The following AFG2A variants were observed in gnomAD, a reference collection of about 807,000 sequenced individuals.
AFG2A encodes the protein ATPase family gene 2 protein homolog A.
the AFG2A span, among the ~76,000 whole-genome samples, chr4:123,077,665 T>C: frequency 6.6e-6 from 1 of 152,218 alleles, no homozygotes; most frequent in African/African-American, 2.4e-5. Flanking sequence ...AATCCCACTC[T>C]TGGTTAACTC....
the AFG2A span, among the ~76,000 whole-genome samples, chr4:123,004,976 A>T: frequency 3.3e-5 from 5 of 152,068 alleles, no homozygotes; most frequent in Non-Finnish European, 7.4e-5. Context: ...TGTTTCACCT[A>T]AGTTGTTGAA....
chr4:122,992,982 G>GTGTGTGTGTGTGGTGTGTGTGTA, the AFG2A span, among the ~76,000 whole-genome samples: 604 of 151,576 alleles, frequency 4.0e-3, 8 homozygotes, highest in African/African-American at 0.014. Flanking sequence ...GTGTATGTGT[G>GTGTGTGTGTGTGGTGTGTGTGTA]TGTGTGTGTG....
the AFG2A span, among the ~76,000 whole-genome samples, chr4:123,110,114 A>C: frequency 2.0e-5 from 3 of 152,154 alleles, no homozygotes; most frequent in African/African-American, 7.2e-5. Context: ...ATATTTACTG[A>C]ATAGCAAAAC....
chr4:122,938,026 C>A, the AFG2A span: 1 of 1,167,054 alleles, frequency 8.6e-7, no homozygotes, highest in Admixed American at 3.1e-5. Context: ...TAAGTGAATT[C>A]TAAATTTGAT....
chr4:123,145,692 A>T, the AFG2A span, among the ~76,000 whole-genome samples: 9 of 152,238 alleles, frequency 5.9e-5, no homozygotes, highest in Non-Finnish European at 1.3e-4. Context: ...TTGAGAATTC[A>T]CTACATAAAA....
At chr4:122,949,917 A>C in the AFG2A span, among the ~76,000 whole-genome samples, 1 of 152,176 alleles carries the variant, frequency 6.6e-6, no homozygotes, top group Non-Finnish European at 1.5e-5. Context: ...GGAGCAGAAA[A>C]ACTGAACCAT....
the AFG2A span, among the ~76,000 whole-genome samples, chr4:123,066,120 A>G: frequency 6.6e-6 from 1 of 152,176 alleles, no homozygotes; most frequent in Non-Finnish European, 1.5e-5. Context: ...AAAAAAATAA[A>G]AAAGTTCTAA....
chr4:122,936,704 G>T, the AFG2A span, among the ~76,000 whole-genome samples: 2 of 152,188 alleles, frequency 1.3e-5, no homozygotes, highest in Non-Finnish European at 2.9e-5. Flanking sequence ...AATTGGCTGG[G>T]TGCGGTGGCT....
the AFG2A span, among the ~76,000 whole-genome samples, chr4:123,122,138 T>C: frequency 3.9e-5 from 6 of 152,202 alleles, no homozygotes; most frequent in Admixed American, 1.3e-4. Context: ...TTACCTGTTT[T>C]GCTATCTAGG....
chr4:123,233,719 ATG>A, the AFG2A span, among the ~76,000 whole-genome samples: 72 of 148,426 alleles, frequency 4.9e-4, no homozygotes, highest in East Asian at 1.6e-3. Flanking sequence ...ACATGGGTGT[ATG>A]TGTGTGTGTG....
the AFG2A span, among the ~76,000 whole-genome samples, chr4:123,065,571 T>C: frequency 2.7e-4 from 41 of 152,282 alleles, no homozygotes; most frequent in East Asian, 3.1e-3. Context: ...TAATTGAGAT[T>C]GAAATGAATC....
the AFG2A span, among the ~76,000 whole-genome samples, chr4:123,249,229 G>C: frequency 6.6e-6 from 1 of 152,270 alleles, no homozygotes; most frequent in African/African-American, 2.4e-5. Flanking sequence ...TAGACAAAGA[G>C]ATAAAATGTC....
At chr4:123,095,042 AATAT>A in the AFG2A span, among the ~76,000 whole-genome samples, 45 of 114,074 alleles carry the variant, frequency 3.9e-4, no homozygotes, top group Middle Eastern at 5.7e-3. Flanking sequence ...AAAAAAAAAA[AATAT>A]ATATATATAT....
At chr4:123,298,421 T>G in the AFG2A span, among the ~76,000 whole-genome samples, 1 of 152,208 alleles carries the variant, frequency 6.6e-6, no homozygotes, top group African/African-American at 2.4e-5. Flanking sequence ...CACACTGCTT[T>G]CTTTAAGTTC....
chr4:123,308,973 A>G, the AFG2A span, among the ~76,000 whole-genome samples: 16 of 152,058 alleles, frequency 1.1e-4, no homozygotes, highest in East Asian at 1.9e-4. Context: ...GAATATGTCT[A>G]TATGTCTATT....
At chr4:123,121,394 GC>G in the AFG2A span, among the ~76,000 whole-genome samples, 1 of 152,148 alleles carries the variant, frequency 6.6e-6, no homozygotes, top group South Asian at 2.1e-4. Flanking sequence ...AATGTCCTGG[GC>G]CTTCACATTC....
the AFG2A span, among the ~76,000 whole-genome samples, chr4:123,248,705 C>G: frequency 3.3e-5 from 5 of 152,108 alleles, no homozygotes; most frequent in Non-Finnish European, 7.4e-5. Context: ...TGCTGAATAT[C>G]AATTCTTTTT....
the AFG2A span, among the ~76,000 whole-genome samples, chr4:123,234,547 A>G: frequency 6.6e-6 from 1 of 152,092 alleles, no homozygotes; most frequent in Admixed American, 6.6e-5. Flanking sequence ...TATTACCTCC[A>G]TGGGCCTCAG....
chr4:122,990,654 G>T, the AFG2A span, among the ~76,000 whole-genome samples: 1 of 152,246 alleles, frequency 6.6e-6, no homozygotes, highest in South Asian at 2.1e-4. Flanking sequence ...TGCAGTCCTA[G>T]CTCACTTCAC....
Sources: gnomAD v4.1 joint callset for allele counts (sites outside exome capture counted in the v4.1 genomes callset) on GRCh38, gnomAD v4.1.1 for gene constraint, MANE v1.5 for transcripts, NCBI Gene and HGNC (gene_info 2026-07-23, HGNC 2026-07-21) for gene names.